SPTLC3: variants seen among roughly 807,000 people sequenced by gnomAD.
SPTLC3 encodes serine palmitoyltransferase 3.
In SPTLC3, 36 loss-of-function variants were observed where a neutral mutation model predicts 59.3. That is an observed-to-expected ratio of 0.61 (90% CI 0.47 to 0.80). SPTLC3 has a LOEUF of 0.80. Ranked by LOEUF, SPTLC3 falls within the 30% of genes least tolerant of loss-of-function variation. SPTLC3 has a pLI of 0.00. For synonymous variants in SPTLC3, 257 were observed against 240.8 expected (o/e 1.07, Z -0.62); for missense variants, 625 against 685.1 (o/e 0.91, Z 0.98).
chr20:13,146,608 A>G (rs2038515808), intron 9 of SPTLC3, among the ~76,000 whole-genome samples: 1 of 152,158 alleles, frequency 6.6e-6, no homozygotes, highest in African/African-American at 2.4e-5. Flanking sequence ...GGAAGCAATA[A>G]TACTATGCAA....
chr20:13,117,869 A>G, intron 8 of SPTLC3, 144 bp downstream of exon 8: 3 of 702,776 alleles, frequency 4.3e-6, no homozygotes, highest in Non-Finnish European at 2.3e-6. Context: ...GTGGGTTCAC[A>G]GCCAGATAAG....
intron 6 of SPTLC3, among the ~76,000 whole-genome samples, chr20:13,095,103 A>C (rs544530798): frequency 5.3e-4 from 80 of 152,338 alleles, no homozygotes; most frequent in African/African-American, 1.8e-3. Flanking sequence ...GTTTATTAAG[A>C]GACTACAAGG....
intron 7 of SPTLC3, among the ~76,000 whole-genome samples, chr20:13,113,385 G>A (rs888789661): frequency 2.6e-4 from 39 of 152,130 alleles, no homozygotes; most frequent in African/African-American, 8.4e-4. Flanking sequence ...CATGGGTAAA[G>A]CACCCCCACA....
At chr20:13,140,982 G>A (rs1432738339) in intron 9 of SPTLC3, among the ~76,000 whole-genome samples, 4 of 152,168 alleles carry the variant, frequency 2.6e-5, no homozygotes, top group African/African-American at 4.8e-5. Context: ...GCCCCTTCCA[G>A]CTGTGACCTA....
chr20:13,064,175 A>G (rs1988087033), intron 2 of SPTLC3, among the ~76,000 whole-genome samples: 1 of 151,228 alleles, frequency 6.6e-6, no homozygotes, highest in South Asian at 2.1e-4. Flanking sequence ...GATTACAGGC[A>G]TGAGCCACCG....
rs533439286 is a variant in SPTLC3, at chr20:13,012,381, T to C, written c.117+2997T>C. On this transcript the variant is annotated intron_variant, in intron 1 of 11. Transcript: ENST00000399002. ...GCCCTAACAGGTGGTTGCTTTTTTT[T>C]CACCAATACTTATTAAGCATCTGTT... 7.2e-5 allele frequency among the ~76,000 whole-genome samples: 11 copies of C among 152,306 alleles called. No individual in the cohort carries two copies. The East Asian group carries it at 7.7e-4, about 11-fold the overall frequency.
rs1488746555 is a variant in SPTLC3 at position 13,159,899 on chromosome 20, AG to A, written c.1416-103del. ...CACTTATTATCATAAAAAAGAAAAA[AG>A]AAAAAAGAAAAAATCAATTAGCCAT... On this transcript the variant is annotated intron_variant, in intron 10 of 11. Transcript: ENST00000399002. 4.9e-6 allele frequency: 7 copies of A among 1,416,462 alleles called. No individual in the cohort carries two copies. The African/African-American group carries it at 7.1e-5, about 14-fold the overall frequency. 87.7% of individuals were successfully genotyped at this position (1,416,462 alleles called of 1,614,324 possible). A position where few individuals can be genotyped will look rare whatever the true frequency, so the allele number is the denominator to read the frequency against.
At chr20:13,086,814 A>C (rs1279003949) in intron 4 of SPTLC3, among the ~76,000 whole-genome samples, 1 of 150,974 alleles carries the variant, frequency 6.6e-6, no homozygotes, top group Non-Finnish European at 1.5e-5. Context: ...TTTTTCCCCT[A>C]ATGAGATCTT....
intron 8 of SPTLC3, among the ~76,000 whole-genome samples, chr20:13,123,261 A>G (rs1412494542): frequency 6.6e-6 from 1 of 151,772 alleles, no homozygotes; most frequent in Non-Finnish European, 1.5e-5. Flanking sequence ...AGCCCAGGAG[A>G]CGAAGGTTGC....
intron 3 of SPTLC3, chr20:13,073,752 C>G: frequency 1.8e-6 from 1 of 562,820 alleles, no homozygotes; most frequent in Non-Finnish European, 3.5e-6. Context: ...ATCCATTATT[C>G]CAGACACGGT....
At chr20:13,038,199 C>T (rs1170835882) in intron 1 of SPTLC3, among the ~76,000 whole-genome samples, 1 of 151,950 alleles carries the variant, frequency 6.6e-6, no homozygotes, top group African/African-American at 2.4e-5. Context: ...TAATATAAGG[C>T]TCATATAATG....
intron 2 of SPTLC3, among the ~76,000 whole-genome samples, chr20:13,060,566 T>C (rs1490618577): frequency 1.8e-4 from 27 of 152,136 alleles, no homozygotes; most frequent in Admixed American, 1.8e-3. Flanking sequence ...ATGTGCATTG[T>C]ACCCATTAAG....
Position 13,103,823 on chromosome 20 carries a change from C to T in SPTLC3, c.827-6289C>T, listed in dbSNP as rs142368318. Among the ~76,000 whole-genome samples, 625 of 152,318 alleles carry T rather than the reference C, an allele frequency of 4.1e-3. 3 individuals carry two copies. The highest frequency in any genetic ancestry group is 0.014 in the African/African-American group (591 of 41,574). ...AAGGAGGAAGCCCTGATGTATGCAACAGTGTTGCCATTTGACAGTGAAATA... is the reference window on the plus strand; with the variant it reads ...AAGGAGGAAGCCCTGATGTATGCAATAGTGTTGCCATTTGACAGTGAAATA... On this transcript the variant is annotated intron_variant, in intron 6 of 11. Transcript: ENST00000399002.
At chr20:13,025,966 A>C (rs1295144941) in intron 1 of SPTLC3, among the ~76,000 whole-genome samples, 2 of 152,042 alleles carry the variant, frequency 1.3e-5, no homozygotes, top group Non-Finnish European at 2.9e-5. Flanking sequence ...CCCACTTCTG[A>C]GAACATATGG....
chr20:13,094,336 T>G (rs985160917), intron 6 of SPTLC3, among the ~76,000 whole-genome samples: 6 of 152,214 alleles, frequency 3.9e-5, no homozygotes, highest in African/African-American at 1.4e-4. Flanking sequence ...AGGTTTTGAT[T>G]CTAATTTGTT....
chr20:13,047,951 A>C (rs556977735), intron 1 of SPTLC3, among the ~76,000 whole-genome samples: 27 of 152,330 alleles, frequency 1.8e-4, no homozygotes, highest in Non-Finnish European at 3.8e-4. Context: ...TTCAGCATGC[A>C]TCACAAAGAT....
chr20:13,037,920 C>T (rs1263691201), intron 1 of SPTLC3, among the ~76,000 whole-genome samples: 1 of 151,976 alleles, frequency 6.6e-6, no homozygotes, highest in Non-Finnish European at 1.5e-5. Context: ...ATGAGACATA[C>T]CAGCTCGTGA....
intron 9 of SPTLC3, among the ~76,000 whole-genome samples, chr20:13,130,676 C>T (rs2273381): frequency 0.16 from 24,462 of 152,206 alleles, 2,250 homozygotes; most frequent in Non-Finnish European, 0.21. Flanking sequence ...TGCACCAAGA[C>T]CCTTTTAATC....
At chr20:13,028,960 A>G (rs1181605527) in intron 1 of SPTLC3, among the ~76,000 whole-genome samples, 1 of 152,232 alleles carries the variant, frequency 6.6e-6, no homozygotes, top group East Asian at 1.9e-4. Context: ...AAAACGGCCA[A>G]TCCAGGGCAA....
Sources: allele counts gnomAD v4.1 joint callset (sites outside exome capture counted in the v4.1 genomes callset), GRCh38; gene constraint gnomAD v4.1.1; transcripts MANE v1.5; gene names NCBI Gene and HGNC (gene_info 2026-07-23, HGNC 2026-07-21).